Variants in TMEM164 observed in about 807,000 individuals in gnomAD.
The protein encoded by TMEM164 is transmembrane protein 164, also known as RP13-360B22.2.
In TMEM164, 4 loss-of-function variants were observed where a neutral mutation model predicts 18.8. The ratio of observed to expected loss-of-function variants is 0.21; its 90% confidence interval spans 0.10 to 0.49. The LOEUF (loss-of-function observed/expected upper bound fraction) is 0.49, where lower values mean the gene tolerates loss of function less well. Among genes scored for constraint, TMEM164 ranks in the 20% least tolerant of loss-of-function variants. The probability of loss-of-function intolerance (pLI) is 0.98; values close to 1 mark genes in which losing one functional copy is unlikely to be tolerated. For missense variants in TMEM164, 108 were observed against 239.9 expected (o/e 0.45, Z 3.63); for synonymous variants, 86 against 101.7 (o/e 0.85, Z 0.93).
At chrX:110,146,829 C>A (rs2066862591) in intron 5 of TMEM164, among the ~76,000 whole-genome samples, 1 of 112,361 alleles carries the variant, frequency 8.9e-6, no homozygotes, top group Non-Finnish European at 1.9e-5. Flanking sequence ...TGGACCTAGG[C>A]CTTGCAGAGG....
chrX:110,063,329 T>A (rs1936195679), intron 2 of TMEM164, among the ~76,000 whole-genome samples: 1 of 112,046 alleles, frequency 8.9e-6, no homozygotes, highest in Non-Finnish European at 1.9e-5. Flanking sequence ...ACAAAAGCTA[T>A]CTTCTTTAAG....
intron 2 of TMEM164, among the ~76,000 whole-genome samples, chrX:110,022,549 C>T (rs886467432): frequency 9.0e-6 from 1 of 111,347 alleles, no homozygotes; most frequent in South Asian, 3.8e-4. Context: ...TTGTGCAATG[C>T]TTCTTTTTAT....
chrX:110,039,676 A>G (rs1385946699), intron 2 of TMEM164, among the ~76,000 whole-genome samples: 1 of 112,323 alleles, frequency 8.9e-6, no homozygotes, highest in Non-Finnish European at 1.9e-5. Flanking sequence ...CTTAAGCATC[A>G]TGTTCCCCCA....
intron 3 of TMEM164, among the ~76,000 whole-genome samples, chrX:110,098,599 A>G (rs1420055330): frequency 9.0e-6 from 1 of 111,532 alleles, no homozygotes; most frequent in Non-Finnish European, 1.9e-5. Flanking sequence ...GTTTCTGCAC[A>G]TTGCTATTGT....
At chrX:110,143,931 C>T (rs147108969) in intron 4 of TMEM164, among the ~76,000 whole-genome samples, 3 of 111,578 alleles carry the variant, frequency 2.7e-5, no homozygotes, top group Non-Finnish European at 5.7e-5. Context: ...GAGTTAGCCA[C>T]CCAACTGTTT....
intron 2 of TMEM164, among the ~76,000 whole-genome samples, chrX:110,012,486 A>G (rs1933063960): frequency 9.0e-6 from 1 of 111,509 alleles, no homozygotes; most frequent in Non-Finnish European, 1.9e-5. Flanking sequence ...CATTATATCT[A>G]ATTGGTAGAC....
At chrX:110,034,978 C>A (rs1433063208) in intron 2 of TMEM164, among the ~76,000 whole-genome samples, 9 of 100,991 alleles carry the variant, frequency 8.9e-5, no homozygotes, top group Admixed American at 3.3e-4. Flanking sequence ...GAACAAAAAA[C>A]CAAACACCGC....
intron 3 of TMEM164, among the ~76,000 whole-genome samples, chrX:110,070,452 A>G (rs756365274): frequency 8.9e-6 from 1 of 112,468 alleles, no homozygotes; most frequent in African/African-American, 3.2e-5. Flanking sequence ...TATATATTTC[A>G]GTTTTTAAAT....
rs557489414 is a variant in TMEM164 at position 110,121,509 on chromosome X, A to G, written c.507+12363A>G. ...AGCAGAATGTTTTCAGGGTTCATCC[A>G]TGTTGTTGCATGTATCAGTACTTCA... On this transcript the variant is annotated intron_variant, in intron 4 of 6. Coordinates refer to ENST00000372068, the MANE Select transcript of TMEM164 (RefSeq NM_032227.4). Among the ~76,000 whole-genome samples the G allele has an allele frequency of 3.2e-4, 36 of 112,375 alleles. No homozygotes were observed. In the South Asian group the frequency reaches 0.012, roughly 39 times the overall value.
At chrX:110,093,651 TG>T (rs1330758409) in intron 3 of TMEM164, among the ~76,000 whole-genome samples, 1 of 111,864 alleles carries the variant, frequency 8.9e-6, no homozygotes, top group Non-Finnish European at 1.9e-5. Context: ...CTGGATTCAT[TG>T]ATTTTTTTGA....
At chrX:110,106,882 C>T (rs1032528904) in intron 3 of TMEM164, among the ~76,000 whole-genome samples, 2 of 111,881 alleles carry the variant, frequency 1.8e-5, no homozygotes, top group African/African-American at 6.5e-5. Flanking sequence ...TTGTCAGACA[C>T]GGGGTGCCAC....
intron 5 of TMEM164, among the ~76,000 whole-genome samples, chrX:110,161,951 A>G (rs1301219801): frequency 8.9e-6 from 1 of 112,590 alleles, no homozygotes; most frequent in Non-Finnish European, 1.9e-5. Context: ...CCTGTTATTA[A>G]TAAAAATTCT....
intron 5 of TMEM164, among the ~76,000 whole-genome samples, chrX:110,167,029 C>T (rs1364879487): frequency 3.6e-5 from 4 of 111,769 alleles, no homozygotes; most frequent in Non-Finnish European, 7.5e-5. Flanking sequence ...GAATCAGTAA[C>T]AGTGAAAGGC....
At chrX:110,183,137 CCT>C (rs979812554), downstream of TMEM164, among the ~76,000 whole-genome samples, 4 of 112,246 alleles carry the variant, frequency 3.6e-5, no homozygotes, top group Non-Finnish European at 7.5e-5. Context: ...GCGGTCCTCC[CCT>C]GACTAGAAAG....
Position 110,147,609 on chromosome X carries a change from C to CT in TMEM164, c.586+2742dup, listed in dbSNP as rs201481928. On this transcript the variant is annotated intron_variant, in intron 5 of 6. Transcript: ENST00000372068. ...GGCTTTCTCTTTTACTATTCTCTCT[C>CT]TTTTTTTTTCATCACCACCATCACT... 3.9e-3 allele frequency among the ~76,000 whole-genome samples: 431 copies of CT among 109,609 alleles called. 3 individuals carry two copies. Among genetic ancestry groups the CT allele is most frequent in the African/African-American group, 0.012 (364 of 30,085 alleles).
intron 4 of TMEM164, among the ~76,000 whole-genome samples, chrX:110,140,025 G>A (rs1470862361): frequency 9.0e-6 from 1 of 111,576 alleles, no homozygotes; most frequent in Admixed American, 9.5e-5. Flanking sequence ...GGAGCATGGA[G>A]GGCAAGGCAT....
chrX:110,023,316 A>C (rs771076169), intron 2 of TMEM164, among the ~76,000 whole-genome samples: 1 of 110,362 alleles, frequency 9.1e-6, no homozygotes, highest in African/African-American at 3.3e-5. Flanking sequence ...TTTCTACTTC[A>C]GTTCCTCATT....
At chrX:110,060,266 G>GAAAAAAAAAAAA (rs140796343) in intron 2 of TMEM164, among the ~76,000 whole-genome samples, 2 of 51,503 alleles carry the variant, frequency 3.9e-5, no homozygotes, top group Non-Finnish European at 6.6e-5. Flanking sequence ...GACCCTGTCT[G>GAAAAAAAAAAAA]AAAAAAAAAA....
At chrX:110,088,547 T>A (rs1466120172) in intron 3 of TMEM164, among the ~76,000 whole-genome samples, 1 of 112,115 alleles carries the variant, frequency 8.9e-6, no homozygotes, top group South Asian at 3.7e-4. Context: ...TAAAGAGCGA[T>A]TCAGGGAGAC....
Sources: allele counts gnomAD v4.1 joint callset (sites outside exome capture counted in the v4.1 genomes callset), GRCh38; gene constraint gnomAD v4.1.1; transcripts MANE v1.5; gene names NCBI Gene and HGNC (gene_info 2026-07-23, HGNC 2026-07-21).